Variants in SELENOO observed in about 807,000 individuals in gnomAD.
SELENOO encodes protein adenylyltransferase SelO, mitochondrial.
Under a neutral mutation model 58.7 loss-of-function variants are expected in SELENOO, and 74 were observed. The ratio of observed to expected loss-of-function variants is 1.26; its 90% CI spans 1.04 to 1.53. The LOEUF (loss-of-function observed/expected upper bound fraction) is 1.53, where lower values mean the gene tolerates loss of function less well. SELENOO is among the 40% of genes most tolerant of loss of function. The pLI, the probability that SELENOO is intolerant of heterozygous loss-of-function variation, is 0.00. For synonymous variants in SELENOO, 543 were observed against 453.2 expected, an observed-to-expected ratio of 1.20 and a Z score of -2.52; for missense variants, 1,149 against 970.0, an observed-to-expected ratio of 1.18 and a Z score of -2.45.
chr22:50,213,277 T>C (rs374086161), intron 5 of SELENOO, among the ~76,000 whole-genome samples: 1 of 152,156 alleles, frequency 6.6e-6, no homozygotes, highest in East Asian at 1.9e-4. Context: ...GCCAGGCTGG[T>C]CTCCAACACC....
At chr22:50,211,442 A>T (rs56850037) in intron 5 of SELENOO, among the ~76,000 whole-genome samples, 4,662 of 152,184 alleles carry the variant, frequency 0.031, 215 homozygotes, top group African/African-American at 0.11. Context: ...GAACAGAAGG[A>T]GCTGAGATGG....
intron 2 of SELENOO, among the ~76,000 whole-genome samples, chr22:50,207,780 C>T (rs764689283): frequency 5.5e-5 from 7 of 128,316 alleles, no homozygotes; most frequent in Non-Finnish European, 1.2e-4. Context: ...GGGGCAGTCA[C>T]CCTGGGGGAC....
chr22:50,213,484 C>T lies in SELENOO; in HGVS notation c.1352-2233C>T, dbSNP rs571924267. Among the ~76,000 whole-genome samples, 396 of 151,028 alleles carry T rather than the reference C, an allele frequency of 2.6e-3. 1 individual carries two copies. Among genetic ancestry groups the T allele is most frequent in the Non-Finnish European group, 5.1e-3 (343 of 67,122 alleles). Reference sequence around the variant, plus strand: ...AACTTTCTGTGTGCCCTGGAGAAGACGGTGTGCTCTCTTTTGCTGGGCAGA... The same window carrying T: ...AACTTTCTGTGTGCCCTGGAGAAGATGGTGTGCTCTCTTTTGCTGGGCAGA... On this transcript the variant is annotated intron_variant, in intron 5 of 8. Coordinates refer to ENST00000380903, the MANE Select transcript of SELENOO (RefSeq NM_031454.2).
At chr22:50,210,144 A>G (rs765470888) in intron 3 of SELENOO, 37 bp from the exon 4 acceptor site, 12 of 1,602,480 alleles carry the variant, frequency 7.5e-6, no homozygotes, top group Non-Finnish European at 4.3e-6. Context: ...TCTGGGCAGG[A>G]CCCCGAGGAG....
chr22:50,210,542 T>C, intron 4 of SELENOO, 89 bp from the exon 5 acceptor site: 1 of 1,580,580 alleles, frequency 6.3e-7, no homozygotes, highest in South Asian at 1.1e-5. Flanking sequence ...ACTTGGGACC[T>C]TCCCCTGGGC....
chr22:50,206,547 C>T, intron 2 of SELENOO, 27 bp downstream of exon 2: 1 of 1,580,836 alleles, frequency 6.3e-7, no homozygotes. Flanking sequence ...TTCGGCCTGT[C>T]TACACGCACT....
At position 50,210,920 on chromosome 22, in the gene SELENOO, C is replaced by A; in HGVS notation, c.1351+9C>A. On this transcript the variant is annotated intron_variant, in intron 5 of 8. Coordinates refer to ENST00000380903, the MANE Select transcript of SELENOO (RefSeq NM_031454.2). ...GACCATGCATCTGACCGGTGAGTGA[C>A]CCAGCCGTGCCCACAGCAAGGCGCC... 1.2e-6 allele frequency: 2 copies of A among 1,613,800 alleles called. No homozygotes were observed. The highest frequency in any genetic ancestry group is 1.7e-6 in the Non-Finnish European group (2 of 1,179,930).
chr22:50,208,034 G>A (rs1270770726), intron 2 of SELENOO, among the ~76,000 whole-genome samples: 1 of 151,510 alleles, frequency 6.6e-6, no homozygotes, highest in Non-Finnish European at 1.5e-5. Context: ...TTGACCAAAC[G>A]TGGAATATGT....
intron 4 of SELENOO, 38 bp from the exon 5 acceptor site, chr22:50,210,591 CCT>C: frequency 6.2e-7 from 1 of 1,612,090 alleles, no homozygotes; most frequent in Non-Finnish European, 8.5e-7. Context: ...CCGGGAACTT[CCT>C]CTCAGGCAGG....
At chr22:50,207,390 C>T (rs1483819112) in intron 2 of SELENOO, among the ~76,000 whole-genome samples, 2 of 152,168 alleles carry the variant, frequency 1.3e-5, no homozygotes, top group East Asian at 3.9e-4. Context: ...TCCTAAAGTG[C>T]TAGAATTATA....
In SELENOO at chr22:50,210,259, A is replaced by T. The variant is rs749879227; in HGVS notation, c.1018A>T (p.Met340Leu). 17 of 1,613,484 alleles carry T rather than the reference A, an allele frequency of 1.1e-5. No individual in the cohort carries two copies. The highest frequency in any genetic ancestry group is 1.4e-5 in the Non-Finnish European group (16 of 1,179,958). Residue 340 changes from methionine to leucine, a missense_variant, in exon 4 of 9, where the codon ATG (methionine) becomes TTG (leucine). Coordinates refer to ENST00000380903, the MANE Select transcript of SELENOO (RefSeq NM_031454.2). ...FCHGVLNTDN[M>L]SILGLTIDYG... is the part of the protein sequence containing the mutation. Reference sequence around the variant, plus strand: ...CCACGGCGTGCTCAACACCGACAACATGAGCATCCTGGGGCTCACCATCGA... The same window carrying T: ...CCACGGCGTGCTCAACACCGACAACTTGAGCATCCTGGGGCTCACCATCGA...
chr22:50,213,157 C>T (rs1384016363), intron 5 of SELENOO, among the ~76,000 whole-genome samples: 3 of 152,020 alleles, frequency 2.0e-5, no homozygotes, highest in African/African-American at 2.4e-5. Context: ...GCCTCCCAGG[C>T]TCAAGTGGTT....
intron 3 of SELENOO, 146 bp from the exon 4 acceptor site, chr22:50,210,035 C>G: frequency 1.1e-6 from 1 of 891,330 alleles, no homozygotes; most frequent in African/African-American, 1.7e-5. Flanking sequence ...GAGGCGGTGA[C>G]AGGACATCAG....
rs1256851010 is a variant in SELENOO at position 50,208,530 on chromosome 22, C to T, written c.759-6C>T. 2 of 1,611,728 alleles carry T rather than the reference C, an allele frequency of 1.2e-6. No homozygotes were observed. The highest frequency in any genetic ancestry group is 1.1e-5 in the South Asian group (1 of 91,024). ...GGGCTGTTGACGCCTCGGGTCTTCC[C>T]TCCAGGTTTGGATCCTTTGAGATTT... On this transcript the variant is annotated splice_polypyrimidine_tract_variant and splice_region_variant and intron_variant, in intron 2 of 8. Coordinates refer to ENST00000380903, the MANE Select transcript of SELENOO (RefSeq NM_031454.2).
chr22:50,208,569 T>TG lies in SELENOO; in HGVS notation c.793dup (p.Glu265GlyfsTer147). On this transcript the variant is annotated frameshift_variant, in exon 3 of 9. Coordinates refer to ENST00000380903, the MANE Select transcript of SELENOO (RefSeq NM_031454.2). LOFTEE classifies it high-confidence loss of function. The stretch of plus-strand genomic sequence containing the variant: ...CCTTTGAGATTTTTAAGTCTGCAGA[T>TG]GAGCACACAGGGCGTGCAGGCCCCA... 6.2e-7 allele frequency: 1 copy of TG among 1,613,890 alleles called. No homozygotes were observed. Among genetic ancestry groups the TG allele is most frequent in the South Asian group, 1.1e-5 (1 of 91,080 alleles).
At chr22:50,211,427 A>G (rs932430530) in intron 5 of SELENOO, among the ~76,000 whole-genome samples, 3 of 152,176 alleles carry the variant, frequency 2.0e-5, no homozygotes, top group Non-Finnish European at 2.9e-5. Context: ...TAGGACGTGT[A>G]TGTTGAACAG....
intron 5 of SELENOO, among the ~76,000 whole-genome samples, chr22:50,213,215 C>A (rs1239168648): frequency 1.3e-5 from 2 of 151,766 alleles, no homozygotes; most frequent in African/African-American, 4.8e-5. Context: ...CATGCTCCAC[C>A]ACACCTAGCT....
chr22:50,213,579 G>A (rs2147165477), intron 5 of SELENOO, among the ~76,000 whole-genome samples: 1 of 152,196 alleles, frequency 6.6e-6, no homozygotes, highest in South Asian at 2.1e-4. Flanking sequence ...TTCCGTGTAT[G>A]TGCCTGTTTG....
At chr22:50,205,682 C>T (rs1602488590) in intron 1 of SELENOO, 2 of 152,752 alleles carry the variant, frequency 1.3e-5, no homozygotes, top group Middle Eastern at 6.8e-3. Flanking sequence ...ACATCCCCTT[C>T]CCCATGCCTG....
Sources: allele counts gnomAD v4.1 joint callset (sites outside exome capture counted in the v4.1 genomes callset), GRCh38; gene constraint gnomAD v4.1.1; transcripts MANE v1.5; gene names NCBI Gene and HGNC (gene_info 2026-07-23, HGNC 2026-07-21).